The following RIT2 variants were observed in gnomAD, a reference collection of about 807,000 sequenced individuals.
The protein encoded by RIT2 is GTP-binding protein Rit2.
In RIT2, 24 loss-of-function variants were observed where a neutral mutation model predicts 23.7. That is an observed-to-expected ratio of 1.01 (90% CI 0.73 to 1.43). The LOEUF (loss-of-function observed/expected upper bound fraction) is 1.43. Ranked by LOEUF, RIT2 falls within the 40% of genes most tolerant of loss-of-function variation. The pLI, the probability that RIT2 is intolerant of heterozygous loss-of-function variation, is 0.00. For synonymous variants in RIT2, 107 were observed against 91.1 expected, an observed-to-expected ratio of 1.17 and a Z score of -0.99; for missense variants, 236 against 266.9, an observed-to-expected ratio of 0.88 and a Z score of 0.81.
At chr18:42,797,480 T>A (rs1002537190) in intron 4 of RIT2, among the ~76,000 whole-genome samples, 3 of 152,160 alleles carry the variant, frequency 2.0e-5, no homozygotes, top group African/African-American at 7.2e-5. Context: ...AGTAATCATA[T>A]TATGCAGTTT....
intron 2 of RIT2, among the ~76,000 whole-genome samples, chr18:42,990,262 T>C (rs1910810961): frequency 6.6e-6 from 1 of 152,044 alleles, no homozygotes; most frequent in Non-Finnish European, 1.5e-5. Flanking sequence ...GAGTTTCCTA[T>C]TACTCAGCTT....
chr18:43,053,337 A>G (rs1279405396), intron 1 of RIT2, among the ~76,000 whole-genome samples: 1 of 152,024 alleles, frequency 6.6e-6, no homozygotes, highest in Non-Finnish European at 1.5e-5. Flanking sequence ...ATAATAAGAC[A>G]TGCAACTGGA....
Position 43,109,829 on chromosome 18 carries a change from G to A in RIT2, c.103+5588C>T, listed in dbSNP as rs1360766221. Among the ~76,000 whole-genome samples, 3 of 13,656 alleles carry A rather than the reference G, an allele frequency of 2.2e-4. No individual in the cohort carries two copies. In the Non-Finnish European group the frequency reaches 8.5e-3, roughly 39 times the overall value. The allele number at this position is 13,656 out of a possible 152,430, so 9.0% of individuals were successfully genotyped here. A position where few individuals can be genotyped will look rare whatever the true frequency, so the allele number is the denominator to read the frequency against. The stretch of plus-strand genomic sequence containing the variant: ...TCATACATATTTCACATTTGAAGAT[G>A]TATGTTGACAACATTTCACCAAATA... On this transcript the variant is annotated intron_variant, in intron 1 of 4. Transcript: ENST00000326695.
intron 3 of RIT2, among the ~76,000 whole-genome samples, chr18:42,958,648 C>T (rs566258495): frequency 1.2e-4 from 18 of 152,138 alleles, no homozygotes; most frequent in East Asian, 5.8e-4. Flanking sequence ...AATACTAAAA[C>T]GTCAGACCAT....
chr18:43,001,731 A>G (rs1399471617), intron 2 of RIT2, among the ~76,000 whole-genome samples: 1 of 151,952 alleles, frequency 6.6e-6, no homozygotes, highest in Non-Finnish European at 1.5e-5. Flanking sequence ...AATTTTCCTC[A>G]TTTTCTCTTT....
At chr18:42,779,438 C>A (rs923096744) in intron 4 of RIT2, among the ~76,000 whole-genome samples, 2 of 152,242 alleles carry the variant, frequency 1.3e-5, no homozygotes, top group Non-Finnish European at 2.9e-5. Context: ...TCCTACAGTG[C>A]TTTTCAATTA....
chr18:42,968,830 T>C (rs1311498090), intron 3 of RIT2, among the ~76,000 whole-genome samples: 1 of 152,196 alleles, frequency 6.6e-6, no homozygotes, highest in Non-Finnish European at 1.5e-5. Context: ...TGTAAGATTA[T>C]AGTAACAGGA....
At position 43,111,428 on chromosome 18, in the gene RIT2, A is replaced by T. The variant is rs189896209; in HGVS notation, c.103+3989T>A. The stretch of plus-strand genomic sequence containing the variant: ...TCACAAATAAGTTATTGTACATTTT[A>T]AAATAACAAAAAAGTATAATGGAAG... On this transcript the variant is annotated intron_variant, in intron 1 of 4. Transcript: ENST00000326695. 6.9e-5 allele frequency among the ~76,000 whole-genome samples: 10 copies of T among 145,718 alleles called. No homozygotes were observed. The East Asian group carries it at 2.3e-3, about 33-fold the overall frequency.
intron 4 of RIT2, among the ~76,000 whole-genome samples, chr18:42,779,257 G>A (rs956996255): frequency 2.0e-5 from 3 of 151,952 alleles, no homozygotes; most frequent in Non-Finnish European, 2.9e-5. Flanking sequence ...AATCTTCAAC[G>A]CAGGAATATT....
chr18:43,008,450 G>A (rs1038338374), intron 2 of RIT2, among the ~76,000 whole-genome samples: 3 of 151,308 alleles, frequency 2.0e-5, no homozygotes, highest in Non-Finnish European at 1.5e-5. Flanking sequence ...GTAGTGGAGA[G>A]AGCACAAAGA....
intron 4 of RIT2, among the ~76,000 whole-genome samples, chr18:42,750,440 G>T (rs965560215): frequency 4.0e-5 from 6 of 151,792 alleles, no homozygotes; most frequent in African/African-American, 1.4e-4. Context: ...ATATGAAACT[G>T]CAATTAAACA....
chr18:42,850,076 CGTGTGTGTGTGTGT>C (rs60962443), intron 4 of RIT2, among the ~76,000 whole-genome samples: 3 of 142,734 alleles, frequency 2.1e-5, no homozygotes, highest in African/African-American at 2.6e-5. Flanking sequence ...AAAATACACC[CGTGTGTGTGTGTGT>C]GTGTGTGTGT....
chr18:42,876,278 T>C (rs534867556), intron 4 of RIT2, among the ~76,000 whole-genome samples: 11 of 152,042 alleles, frequency 7.2e-5, no homozygotes, highest in African/African-American at 2.6e-4. Context: ...CCAGTGAAGA[T>C]ATTTTTACCA....
chr18:42,892,966 T>C (rs1358570170), intron 4 of RIT2, among the ~76,000 whole-genome samples: 2 of 152,126 alleles, frequency 1.3e-5, no homozygotes, highest in Admixed American at 6.6e-5. Flanking sequence ...AAAAAATTAT[T>C]AGTAAAGCAT....
chr18:43,079,905 G>A (rs964777548), intron 1 of RIT2, among the ~76,000 whole-genome samples: 2 of 152,176 alleles, frequency 1.3e-5, no homozygotes, highest in African/African-American at 4.8e-5. Flanking sequence ...CAGTAAAAGT[G>A]TCTCTGTCAC....
At chr18:42,981,677 A>C (rs1365999285) in intron 2 of RIT2, among the ~76,000 whole-genome samples, 1 of 152,060 alleles carries the variant, frequency 6.6e-6, no homozygotes, top group Non-Finnish European at 1.5e-5. Context: ...AAAATTAAAA[A>C]TATTAAAAAT....
intron 4 of RIT2, among the ~76,000 whole-genome samples, chr18:42,914,181 T>C (rs770512750): frequency 7.2e-5 from 11 of 152,108 alleles, no homozygotes; most frequent in Non-Finnish European, 1.5e-4. Context: ...TAATATCTAA[T>C]GCTGGCAAGG....
At chr18:42,752,814 G>T (rs1913076961) in intron 4 of RIT2, among the ~76,000 whole-genome samples, 2 of 152,166 alleles carry the variant, frequency 1.3e-5, no homozygotes, top group Non-Finnish European at 2.9e-5. Context: ...AGCAATTGAT[G>T]CAGATATCAT....
chr18:42,826,228 C>T (rs1401239336), intron 4 of RIT2, among the ~76,000 whole-genome samples: 1 of 152,034 alleles, frequency 6.6e-6, no homozygotes, highest in Non-Finnish European at 1.5e-5. Context: ...GAAGCAGGCA[C>T]TCTCTTACAT....
Sources: gnomAD v4.1 joint callset for allele counts (sites outside exome capture counted in the v4.1 genomes callset) on GRCh38, gnomAD v4.1.1 for gene constraint, MANE v1.5 for transcripts, NCBI Gene and HGNC (gene_info 2026-07-23, HGNC 2026-07-21) for gene names.